The following AVEN variants were observed in gnomAD, a reference collection of about 807,000 sequenced individuals.
AVEN encodes cell death regulator Aven.
A neutral mutation model predicts 38.1 loss-of-function variants in AVEN; 41 were observed. The observed-to-expected ratio is 1.08, with a 90% CI of 0.84 to 1.40. AVEN has a LOEUF of 1.40. AVEN is among the 40% of genes most tolerant of loss of function. AVEN has a pLI of 0.00. For missense variants in AVEN, 605 were observed against 438.8 expected, an observed-to-expected ratio of 1.38 and a Z score of -3.38; for synonymous variants, 206 against 171.8, an observed-to-expected ratio of 1.20 and a Z score of -1.56.
chr15:33,864,022 G>T, downstream of AVEN: 1 of 672,760 alleles, frequency 1.5e-6, no homozygotes, highest in East Asian at 2.8e-5. Context: ...GATCATTTAA[G>T]TCACTGTAGA....
rs578177522 is a variant in AVEN, at chr15:33,874,733, T to G, written c.516+1192A>C. Among the ~76,000 whole-genome samples, 24 of 152,336 alleles carry G rather than the reference T, an allele frequency of 1.6e-4. 1 individual carries two copies. The South Asian group carries it at 4.8e-3, about 30-fold the overall frequency. ...TCTGTCTCATTCACTTTGAATAAGC[T>G]CCATTTAATAAAAACATTTAGTAAA... On this transcript the variant is annotated intron_variant, in intron 3 of 5. Transcript: ENST00000306730.
intron 2 of AVEN, among the ~76,000 whole-genome samples, chr15:33,924,252 C>A (rs1053529010): frequency 6.6e-6 from 1 of 151,848 alleles, no homozygotes; most frequent in African/African-American, 2.4e-5. Flanking sequence ...TGCCTGTAGT[C>A]CCACCTACTC....
At chr15:34,038,726 C>T (rs1899292229) in intron 1 of AVEN, 54 bp downstream of exon 1, 5 of 1,129,912 alleles carry the variant, frequency 4.4e-6, no homozygotes, top group South Asian at 8.7e-5. Context: ...GCGGCCTCGG[C>T]CCCACTTGCC....
In AVEN at chr15:33,867,505, T is replaced by G; in HGVS notation, c.963A>C (p.Gln321His). ...AAATGAAAGCCATACCTTCTTCCTC[T>G]TGGACCACCTCCCCATCTTCCTTGG... ...LKSKEDGEVV[Q>H]EEEVCAKPSV... Residue 321 changes from glutamine (Q) to histidine (H), a missense_variant, in exon 5 of 6, where the codon CAA becomes CAC. Physicochemically the swap from Gln to His is conservative, Grantham distance 24 (BLOSUM62 0). Coordinates refer to ENST00000306730, the MANE Select transcript of AVEN (RefSeq NM_020371.3). 1 of 1,576,080 alleles carries G rather than the reference T, an allele frequency of 6.3e-7. No individual in the cohort carries two copies. Among genetic ancestry groups the G allele is most frequent in the Non-Finnish European group, 8.6e-7 (1 of 1,164,866 alleles).
chr15:33,876,458 C>G (rs7165981), intron 2 of AVEN, among the ~76,000 whole-genome samples: 5,888 of 151,934 alleles, frequency 0.039, 331 homozygotes, highest in South Asian at 0.12. Flanking sequence ...TATAATCCCA[C>G]CTACTTGGGA....
At chr15:34,047,164 G>A (rs1276329476) in intron 5 of AVEN, among the ~76,000 whole-genome samples, 2 of 150,704 alleles carry the variant, frequency 1.3e-5, no homozygotes, top group African/African-American at 2.5e-5. Flanking sequence ...TGCAAGCTCC[G>A]CCTCCCGGGT....
At chr15:33,905,822 GA>G (rs1892679255) in intron 2 of AVEN, among the ~76,000 whole-genome samples, 2 of 24,468 alleles carry the variant, frequency 8.2e-5, no homozygotes, top group South Asian at 2.1e-3. Context: ...CTTGTTTCGG[GA>G]AAGAAAAAAA....
Position 34,053,590 on chromosome 15 carries a change from A to G in AVEN, n.1637+9332T>C, listed in dbSNP as rs1424244770. Among the ~76,000 whole-genome samples the G allele has an allele frequency of 6.6e-5, 10 of 152,122 alleles. No homozygotes were observed. In the East Asian group the frequency reaches 1.9e-3, roughly 29 times the overall value. The stretch of plus-strand genomic sequence containing the variant: ...ACAAGCAGTGGGGAAAGGATTCCCT[A>G]TTTCATAAATGGTGCTGAGAGAACT... On this transcript the variant is annotated intron_variant and non_coding_transcript_variant, in intron 5 of 11. Transcript: ENST00000675287.
At chr15:33,858,470 G>A (rs34765558), downstream of AVEN, 5,555 of 141,660 alleles carry the variant, frequency 0.039, 149 homozygotes, top group Non-Finnish European at 0.061. Context: ...GCCTCCCAAA[G>A]TGCTGGGATT....
intron 2 of AVEN, among the ~76,000 whole-genome samples, chr15:33,979,442 G>A (rs1597301983): frequency 6.6e-6 from 1 of 152,102 alleles, no homozygotes; most frequent in Non-Finnish European, 1.5e-5. Context: ...CCAGGAGGTT[G>A]AGGCTGCACT....
At chr15:34,033,849 G>A (rs1422029266) in intron 1 of AVEN, among the ~76,000 whole-genome samples, 3 of 152,096 alleles carry the variant, frequency 2.0e-5, no homozygotes, top group African/African-American at 2.4e-5. Context: ...GAGCAGTGGC[G>A]CAATTTCGGC....
chr15:33,986,778 G>A (rs1353439891), intron 2 of AVEN, among the ~76,000 whole-genome samples: 5 of 151,244 alleles, frequency 3.3e-5, no homozygotes, highest in Non-Finnish European at 4.4e-5. Context: ...TGTGTCAGCC[G>A]CCCGAGTAGC....
At chr15:34,007,076 A>G in intron 1 of AVEN, 1 of 983,990 alleles carries the variant, frequency 1.0e-6, no homozygotes, top group Non-Finnish European at 1.2e-6. Context: ...TGCATTGTTC[A>G]GAGATTAACA....
At chr15:33,928,082 C>A (rs575107994) in intron 2 of AVEN, among the ~76,000 whole-genome samples, 1 of 152,310 alleles carries the variant, frequency 6.6e-6, no homozygotes, top group South Asian at 2.1e-4. Flanking sequence ...CTTTTCCAAC[C>A]ACCACGTGGG....
intron 1 of AVEN, among the ~76,000 whole-genome samples, chr15:34,011,844 T>C (rs1306685065): frequency 2.0e-5 from 3 of 152,186 alleles, no homozygotes; most frequent in Admixed American, 6.5e-5. Flanking sequence ...GACTATGGGA[T>C]TTCTCAAAGT....
intron 1 of AVEN, among the ~76,000 whole-genome samples, chr15:34,036,881 G>A (rs1470958523): frequency 2.0e-5 from 3 of 152,018 alleles, no homozygotes; most frequent in Non-Finnish European, 4.4e-5. Flanking sequence ...AGGCCGAGGC[G>A]GGTGGATCAC....
chr15:33,878,620 G>T (rs1206838578), intron 2 of AVEN, among the ~76,000 whole-genome samples: 1 of 152,032 alleles, frequency 6.6e-6, no homozygotes, highest in Non-Finnish European at 1.5e-5. Context: ...AAATTTTTTT[G>T]AATTACAGAA....
intron 2 of AVEN, among the ~76,000 whole-genome samples, chr15:33,938,982 C>G (rs1259423733): frequency 6.6e-6 from 1 of 152,192 alleles, no homozygotes. Flanking sequence ...GCTGGGATTA[C>G]AGGTGCCCAC....
rs562164841 is a variant in AVEN, at chr15:33,985,431, T to C, written c.445+17601A>G. Among the ~76,000 whole-genome samples the C allele has an allele frequency of 5.0e-3, 408 of 81,326 alleles. 3 individuals are homozygous for C. Among genetic ancestry groups the C allele is most frequent in the African/African-American group, 0.021 (396 of 19,222 alleles). 53.4% of individuals were successfully genotyped at this position (81,326 alleles called of 152,430 possible). A position where few individuals can be genotyped will look rare whatever the true frequency, so the allele number is the denominator to read the frequency against. ...TGAGTGCATGCCCTCAGCTCAGTGTTCCTTTTTCAGTAAGAGTAAGTTCCT... is the reference window on the plus strand; with the variant it reads ...TGAGTGCATGCCCTCAGCTCAGTGTCCCTTTTTCAGTAAGAGTAAGTTCCT... On this transcript the variant is annotated intron_variant, in intron 2 of 5. Coordinates refer to ENST00000306730, the MANE Select transcript of AVEN (RefSeq NM_020371.3).
Sources: allele counts gnomAD v4.1 joint callset (sites outside exome capture counted in the v4.1 genomes callset), GRCh38; gene constraint gnomAD v4.1.1; transcripts MANE v1.5; gene names NCBI Gene and HGNC (gene_info 2026-07-23, HGNC 2026-07-21).